Variants in RIMKLB observed in about 807,000 individuals in gnomAD.
RIMKLB encodes the protein ribosomal modification protein rimK like family member B.
In RIMKLB, 7 loss-of-function variants were observed where a neutral mutation model predicts 32.0. The ratio of observed to expected loss-of-function variants is 0.22; its 90% CI spans 0.12 to 0.41. The LOEUF is 0.41. Among genes scored for constraint, RIMKLB ranks in the 10% least tolerant of loss-of-function variants. The pLI, the probability that RIMKLB is intolerant of heterozygous loss-of-function variation, is 1.00. For missense variants in RIMKLB, 289 were observed against 498.7 expected (o/e 0.58, Z 4.00); for synonymous variants, 172 against 185.1 (o/e 0.93, Z 0.57).
chr12:8,676,831 G>A (rs138709371), upstream of RIMKLB, among the ~76,000 whole-genome samples: 8 of 152,118 alleles, frequency 5.3e-5, no homozygotes, highest in East Asian at 9.7e-4. Context: ...ACAGGAAACC[G>A]ACTCAGGAAG....
the RIMKLB span, among the ~76,000 whole-genome samples, chr12:8,672,757 C>T: frequency 2.0e-5 from 3 of 152,122 alleles, no homozygotes; most frequent in South Asian, 4.2e-4. Flanking sequence ...GCTACCTCCC[C>T]GCCTCCCCGT....
chr12:8,782,376 A>G (rs1026732519), intron 7 of RIMKLB, among the ~76,000 whole-genome samples: 3 of 151,722 alleles, frequency 2.0e-5, no homozygotes, highest in Non-Finnish European at 4.4e-5. Flanking sequence ...CTAAGGAGTA[A>G]TAGTACGGAG....
At chr12:8,758,096 CTGTCA>C (rs1949212974) in intron 5 of RIMKLB, among the ~76,000 whole-genome samples, 1 of 152,060 alleles carries the variant, frequency 6.6e-6, no homozygotes, top group Non-Finnish European at 1.5e-5. Flanking sequence ...TGCGCCTGGC[CTGTCA>C]TGTCATTATT....
chr12:8,761,415 A>G (rs1191056732), intron 5 of RIMKLB, among the ~76,000 whole-genome samples: 1 of 150,458 alleles, frequency 6.6e-6, no homozygotes, highest in African/African-American at 2.4e-5. Context: ...TTTTTGTTTC[A>G]GTTGCAAGAT....
chr12:8,676,623 G>A (rs756899279), upstream of RIMKLB, among the ~76,000 whole-genome samples: 121 of 151,632 alleles, frequency 8.0e-4, no homozygotes, highest in African/African-American at 2.6e-3. Flanking sequence ...GGTCTTGAAC[G>A]CCTGGCCTCA....
intron 2 of RIMKLB, among the ~76,000 whole-genome samples, chr12:8,714,524 T>C (rs1055112445): frequency 6.6e-6 from 1 of 152,220 alleles, no homozygotes; most frequent in African/African-American, 2.4e-5. Flanking sequence ...ATTAGATCCA[T>C]GTGATTCCTT....
chr12:8,760,623 A>G (rs1263639404), intron 5 of RIMKLB, among the ~76,000 whole-genome samples: 1 of 152,070 alleles, frequency 6.6e-6, no homozygotes, highest in Non-Finnish European at 1.5e-5. Flanking sequence ...CTGACTTTTT[A>G]ATGATCGCCA....
downstream of RIMKLB, among the ~76,000 whole-genome samples, chr12:8,781,818 C>G (rs1478390349): frequency 6.6e-6 from 1 of 151,610 alleles, no homozygotes; most frequent in Non-Finnish European, 1.5e-5. Context: ...CTTTGAAGTT[C>G]TCTAGAATTA....
rs776762272 is a variant in RIMKLB at position 8,775,944 on chromosome 12, C to T, written c.*2160C>T. ...AGAAAGAAATACTTGGTACTTCTTT[C>T]GCTGAATGACCATACTGTGGAGGAT... On this transcript the variant is annotated 3_prime_UTR_variant, in exon 6 of 6. Coordinates refer to ENST00000535829, the MANE Select transcript of RIMKLB (RefSeq NM_001297776.2). 50 of 983,934 alleles carry T rather than the reference C, an allele frequency of 5.1e-5. No homozygotes were observed. In the Admixed American group the frequency reaches 1.2e-3, roughly 24 times the overall value. 61.0% of individuals were successfully genotyped at this position (983,934 alleles called of 1,614,324 possible).
At chr12:8,686,482 GT>G (rs1789640802) in intron 1 of RIMKLB, among the ~76,000 whole-genome samples, 1 of 149,262 alleles carries the variant, frequency 6.7e-6, no homozygotes, top group Non-Finnish European at 1.5e-5. Context: ...TTTATTCAGG[GT>G]TTTCTTTCGT....
chr12:8,752,513 C>T (rs945490987), intron 4 of RIMKLB, among the ~76,000 whole-genome samples: 1 of 152,160 alleles, frequency 6.6e-6, no homozygotes. Context: ...GATCACACCA[C>T]TGCACTCCAA....
intron 2 of RIMKLB, among the ~76,000 whole-genome samples, chr12:8,731,454 G>T (rs7963296): frequency 0.033 from 4,976 of 151,164 alleles, 271 homozygotes; most frequent in African/African-American, 0.11. Context: ...TCCTGGTGGT[G>T]GTTTTTTTTT....
At chr12:8,733,813 A>G (rs1409808260) in intron 2 of RIMKLB, among the ~76,000 whole-genome samples, 1 of 152,182 alleles carries the variant, frequency 6.6e-6, no homozygotes, top group Non-Finnish European at 1.5e-5. Flanking sequence ...GAGCACAGGA[A>G]TTGGAGGCTG....
At chr12:8,689,372 T>C (rs943823238) in intron 1 of RIMKLB, among the ~76,000 whole-genome samples, 10 of 152,260 alleles carry the variant, frequency 6.6e-5, no homozygotes, top group Admixed American at 3.9e-4. Context: ...TAGTTTTGCT[T>C]TGTTGCCAAA....
Position 8,702,990 on chromosome 12 carries a change from T to C in RIMKLB, c.-57+4693T>C, listed in dbSNP as rs1237594543. Among the ~76,000 whole-genome samples, 3 of 152,294 alleles carry C rather than the reference T, an allele frequency of 2.0e-5. No homozygotes were observed. The East Asian group carries it at 5.8e-4, about 29-fold the overall frequency. On this transcript the variant is annotated intron_variant, in intron 1 of 5. Transcript: ENST00000535829. Reference sequence around the variant, plus strand: ...AGTTTCTTCTATTAAGTGAAATCATTAGAAATGTTTGGAGGCTGGGCATGG... The same window carrying C: ...AGTTTCTTCTATTAAGTGAAATCATCAGAAATGTTTGGAGGCTGGGCATGG...
At chr12:8,684,309 A>T (rs1942502249) in intron 1 of RIMKLB, among the ~76,000 whole-genome samples, 1 of 150,410 alleles carries the variant, frequency 6.6e-6, no homozygotes, top group Non-Finnish European at 1.5e-5. Context: ...AGTAACTGTG[A>T]CTACAGGCAC....
intron 1 of RIMKLB, among the ~76,000 whole-genome samples, chr12:8,702,249 CTG>C (rs2136716711): frequency 6.6e-6 from 1 of 152,244 alleles, no homozygotes; most frequent in South Asian, 2.1e-4. Context: ...TTGGTAATCT[CTG>C]TATTTTTTAT....
intron 1 of RIMKLB, among the ~76,000 whole-genome samples, chr12:8,712,871 T>C (rs1374443204): frequency 6.6e-6 from 1 of 152,196 alleles, no homozygotes; most frequent in East Asian, 1.9e-4. Context: ...AGATGTGCCA[T>C]GTTATCTGGA....
intron 1 of RIMKLB, 51 bp from the exon 2 acceptor site, chr12:8,713,760 T>C (rs1274040144): frequency 5.5e-6 from 6 of 1,097,822 alleles, no homozygotes; most frequent in African/African-American, 1.5e-5. Flanking sequence ...AATCCAGAAA[T>C]CAAGTAGATT....
Sources: gnomAD v4.1 joint callset for allele counts (sites outside exome capture counted in the v4.1 genomes callset) on GRCh38, gnomAD v4.1.1 for gene constraint, MANE v1.5 for transcripts, NCBI Gene and HGNC (gene_info 2026-07-23, HGNC 2026-07-21) for gene names.